The following HS6ST3 variants were observed in gnomAD, a reference collection of about 807,000 sequenced individuals.
HS6ST3 encodes the protein heparan sulfate 6-O-sulfotransferase 3, also known as heparan-sulfate 6-O-sulfotransferase 3.
HS6ST3 carries 12 observed loss-of-function variants against 36.7 expected under a neutral mutation model. The ratio of observed to expected loss-of-function variants is 0.33; its 90% CI spans 0.21 to 0.53. The LOEUF is 0.53. Among genes scored for constraint, HS6ST3 ranks in the 20% least tolerant of loss-of-function variants. The pLI is 0.95. For synonymous variants in HS6ST3, 240 were observed against 257.5 expected (o/e 0.93, Z 0.65); for missense variants, 584 against 640.9 (o/e 0.91, Z 0.96).
At chr13:96,437,051 A>G (rs1025772163) in intron 1 of HS6ST3, among the ~76,000 whole-genome samples, 3 of 152,172 alleles carry the variant, frequency 2.0e-5, no homozygotes, top group Non-Finnish European at 2.9e-5. Flanking sequence ...ATGTTCTAGA[A>G]GGCTGTAGTA....
At chr13:96,630,975 G>T (rs1594822513) in intron 1 of HS6ST3, among the ~76,000 whole-genome samples, 1 of 152,188 alleles carries the variant, frequency 6.6e-6, no homozygotes, top group East Asian at 1.9e-4. Context: ...TTTTTTAGAA[G>T]TACAGCTTAT....
At chr13:96,249,361 C>T (rs1287622952) in intron 1 of HS6ST3, among the ~76,000 whole-genome samples, 3 of 151,940 alleles carry the variant, frequency 2.0e-5, no homozygotes, top group African/African-American at 7.3e-5. Flanking sequence ...AAAAGATTGA[C>T]AGAAGATAAG....
chr13:96,751,481 A>G (rs1477358002), intron 1 of HS6ST3, among the ~76,000 whole-genome samples: 1 of 152,150 alleles, frequency 6.6e-6, no homozygotes, highest in Non-Finnish European at 1.5e-5. Context: ...ACTCAATACC[A>G]TCTTTACTTC....
intron 1 of HS6ST3, among the ~76,000 whole-genome samples, chr13:96,183,384 T>C (rs1173502153): frequency 6.6e-6 from 1 of 152,220 alleles, no homozygotes; most frequent in Non-Finnish European, 1.5e-5. Context: ...CTTCATTTTG[T>C]TCAGTGTGCC....
At chr13:96,709,596 G>A (rs923267385) in intron 1 of HS6ST3, among the ~76,000 whole-genome samples, 6 of 152,112 alleles carry the variant, frequency 3.9e-5, no homozygotes, top group Non-Finnish European at 7.4e-5. Flanking sequence ...AGAGAGAGAT[G>A]ATTTCTCTCT....
chr13:96,697,027 C>T (rs771148685), intron 1 of HS6ST3, among the ~76,000 whole-genome samples: 1 of 151,828 alleles, frequency 6.6e-6, no homozygotes, highest in Non-Finnish European at 1.5e-5. Flanking sequence ...CCAGAAAATT[C>T]GGGAAACAGA....
At chr13:96,152,316 C>CTTTTTTTTTTTTTTT (rs766489670) in intron 1 of HS6ST3, among the ~76,000 whole-genome samples, 23 of 97,074 alleles carry the variant, frequency 2.4e-4, no homozygotes, top group African/African-American at 5.1e-4. Flanking sequence ...GGCCCCTTTC[C>CTTTTTTTTTTTTTTT]TTTTTTTTTT....
At chr13:96,530,542 G>A (rs1274190569) in intron 1 of HS6ST3, among the ~76,000 whole-genome samples, 5 of 140,756 alleles carry the variant, frequency 3.6e-5, no homozygotes, top group South Asian at 4.5e-4. Flanking sequence ...TCACTTTGTC[G>A]CCCAGGCTTG....
At chr13:96,164,427 C>T (rs993782793) in intron 1 of HS6ST3, among the ~76,000 whole-genome samples, 9 of 151,878 alleles carry the variant, frequency 5.9e-5, no homozygotes, top group East Asian at 3.9e-4. Context: ...GGCGTGGTGA[C>T]GTGCCTGTAG....
intron 1 of HS6ST3, among the ~76,000 whole-genome samples, chr13:96,331,664 G>T (rs1475306495): frequency 3.9e-5 from 6 of 152,206 alleles, no homozygotes; most frequent in Non-Finnish European, 8.8e-5. Flanking sequence ...CAGAGGTGGA[G>T]CCTACAGAGG....
chr13:96,579,190 A>G (rs2056332855), intron 1 of HS6ST3, among the ~76,000 whole-genome samples: 1 of 152,158 alleles, frequency 6.6e-6, no homozygotes, highest in Non-Finnish European at 1.5e-5. Flanking sequence ...TAATTTTAAT[A>G]TTTTGTACAA....
chr13:96,204,708 C>G (rs1245788843), intron 1 of HS6ST3, among the ~76,000 whole-genome samples: 1 of 152,118 alleles, frequency 6.6e-6, no homozygotes, highest in Non-Finnish European at 1.5e-5. Flanking sequence ...AACCACACAA[C>G]TACATGGAAA....
intron 1 of HS6ST3, among the ~76,000 whole-genome samples, chr13:96,256,194 C>T (rs1035656656): frequency 1.3e-5 from 2 of 152,112 alleles, no homozygotes; most frequent in Non-Finnish European, 2.9e-5. Context: ...GATATATGGT[C>T]ACTGCAATTG....
chr13:96,308,015 C>T (rs574234711), intron 1 of HS6ST3, among the ~76,000 whole-genome samples: 8 of 152,028 alleles, frequency 5.3e-5, no homozygotes, highest in Non-Finnish European at 1.2e-4. Context: ...TCAAGGGTAT[C>T]AATACTGAAA....
chr13:96,122,935 G>T (rs1364186962), intron 1 of HS6ST3, among the ~76,000 whole-genome samples: 1 of 152,004 alleles, frequency 6.6e-6, no homozygotes, highest in Non-Finnish European at 1.5e-5. Context: ...ATTTTTTTTG[G>T]CAGAGAGCAT....
intron 1 of HS6ST3, among the ~76,000 whole-genome samples, chr13:96,462,690 A>G (rs189726828): frequency 6.6e-5 from 10 of 152,362 alleles, no homozygotes; most frequent in African/African-American, 2.4e-4. Flanking sequence ...AAGGTTATCA[A>G]TGAAGAAAAC....
At chr13:96,584,355 A>G (rs59973555) in intron 1 of HS6ST3, among the ~76,000 whole-genome samples, 7,221 of 152,012 alleles carry the variant, frequency 0.048, 489 homozygotes, top group African/African-American at 0.15. Flanking sequence ...TGTTGGCCAG[A>G]CTGGTCTTGA....
chr13:96,623,626 T>C (rs191689643), intron 1 of HS6ST3, among the ~76,000 whole-genome samples: 150 of 152,190 alleles, frequency 9.9e-4, no homozygotes, highest in South Asian at 1.5e-3. Context: ...TTATATCTCA[T>C]TGGGTCACGT....
At chr13:96,342,952 A>G (rs1314785004) in intron 1 of HS6ST3, among the ~76,000 whole-genome samples, 1 of 152,184 alleles carries the variant, frequency 6.6e-6, no homozygotes, top group Non-Finnish European at 1.5e-5. Context: ...TTGCAACTTC[A>G]TGTCTGTATT....
Sources: gnomAD v4.1 joint callset for allele counts (sites outside exome capture counted in the v4.1 genomes callset) on GRCh38, gnomAD v4.1.1 for gene constraint, MANE v1.5 for transcripts, NCBI Gene and HGNC (gene_info 2026-07-23, HGNC 2026-07-21) for gene names.